SDK1: variants seen among roughly 807,000 people sequenced by gnomAD.
SDK1 encodes protein sidekick-1.
A neutral mutation model predicts 245.5 loss-of-function variants in SDK1; 157 were observed. The observed-to-expected ratio is 0.64, with a 90% CI of 0.56 to 0.73. The LOEUF (loss-of-function observed/expected upper bound fraction) is 0.73, where lower values mean the gene tolerates loss of function less well. SDK1 is among the 30% of genes least tolerant of loss of function. The probability of loss-of-function intolerance (pLI) is 0.00; values close to 1 mark genes in which losing one functional copy is unlikely to be tolerated. For missense variants in SDK1, 3,583 were observed against 3,002.3 expected (o/e 1.19, Z -4.52); for synonymous variants, 1,647 against 1,278.5 (o/e 1.29, Z -6.15).
At chr7:3,571,681 A>T (rs1167817611) in intron 1 of SDK1, among the ~76,000 whole-genome samples, 9 of 152,044 alleles carry the variant, frequency 5.9e-5, no homozygotes. Flanking sequence ...TTACTATTTG[A>T]TCTAAAACCT....
At chr7:3,671,396 G>C (rs1036576316) in intron 4 of SDK1, among the ~76,000 whole-genome samples, 1 of 152,104 alleles carries the variant, frequency 6.6e-6, no homozygotes, top group Non-Finnish European at 1.5e-5. Flanking sequence ...AGAAGGAAAT[G>C]GAATCAATGT....
In SDK1 at chr7:4,104,106, C is replaced by T. The variant is rs117272112; in HGVS notation, c.3325-6557C>T. Among the ~76,000 whole-genome samples, 1,320 of 152,376 alleles carry T rather than the reference C, an allele frequency of 8.7e-3. 7 individuals carry two copies. Among genetic ancestry groups the T allele is most frequent in the Middle Eastern group, 0.017 (5 of 294 alleles). ...ACGGGGTCTCCCTCTGTGGCCCATGCTGGAGTGCAGTTGCATAATCACCAC... is the reference window on the plus strand; with the variant it reads ...ACGGGGTCTCCCTCTGTGGCCCATGTTGGAGTGCAGTTGCATAATCACCAC... On this transcript the variant is annotated intron_variant, in intron 22 of 44. Transcript: ENST00000404826.
intron 30 of SDK1, among the ~76,000 whole-genome samples, chr7:4,154,220 G>A (rs947626770): frequency 1.3e-5 from 2 of 152,200 alleles, no homozygotes; most frequent in African/African-American, 2.4e-5. Flanking sequence ...GGTCAAGTTT[G>A]TGTATGTGAT....
chr7:3,974,270 C>T (rs1483645946), intron 12 of SDK1, 99 bp from the exon 13 acceptor site: 2 of 946,530 alleles, frequency 2.1e-6, no homozygotes, highest in East Asian at 2.5e-5. Context: ...AAAGTCCATT[C>T]ACAAGATTGT....
chr7:3,445,696 C>A (rs1207220208), intron 1 of SDK1, among the ~76,000 whole-genome samples: 1 of 152,098 alleles, frequency 6.6e-6, no homozygotes, highest in Non-Finnish European at 1.5e-5. Context: ...ACTCTTCTTA[C>A]CCCACACTGT....
At chr7:3,975,913 G>A (rs149624089) in intron 13 of SDK1, among the ~76,000 whole-genome samples, 2,380 of 147,380 alleles carry the variant, frequency 0.016, 83 homozygotes, top group African/African-American at 0.056. Flanking sequence ...CACGTAGAGG[G>A]TCCTCCAGAG....
intron 5 of SDK1, among the ~76,000 whole-genome samples, chr7:3,882,128 G>A (rs778287575): frequency 6.6e-6 from 1 of 152,186 alleles, no homozygotes; most frequent in Admixed American, 6.5e-5. Context: ...AAAATCATCA[G>A]ATCTTGTGAG....
rs71029682 is a variant in SDK1 at position 3,582,683 on chromosome 7, T to TAAAAAAAAAAAAAAAAAAAAAAAAA, written c.299-36395_299-36371dup. Among the ~76,000 whole-genome samples the TAAAAAAAAAAAAAAAAAAAAAAAAA allele has an allele frequency of 7.2e-5, 5 of 69,684 alleles. 1 individual carries two copies. The highest frequency in any genetic ancestry group is 7.2e-4 in the South Asian group (1 of 1,386). 45.7% of individuals were successfully genotyped at this position (69,684 alleles called of 152,430 possible). ...ATGTAGCCCTGAACCTAAACTAAAGTAAAAAAAAAAAAAAAAAAAAAAAAA... is the reference window on the plus strand; with the variant it reads ...ATGTAGCCCTGAACCTAAACTAAAGTAAAAAAAAAAAAAAAAAAAAAAAAAAAAAAAAAAAAAAAAAAAAAAAAAA... On this transcript the variant is annotated intron_variant, in intron 1 of 44. Transcript: ENST00000404826.
chr7:3,477,155 TC>T (rs1415864104), intron 1 of SDK1, among the ~76,000 whole-genome samples: 3 of 151,404 alleles, frequency 2.0e-5, no homozygotes, highest in Non-Finnish European at 4.4e-5. Flanking sequence ...GCTTGAAATA[TC>T]CTAACACTTC....
intron 1 of SDK1, among the ~76,000 whole-genome samples, chr7:3,512,312 G>C (rs189111481): frequency 6.6e-6 from 1 of 152,108 alleles, no homozygotes; most frequent in East Asian, 1.9e-4. Context: ...CTTGTTTTCA[G>C]TGCTGAGTAA....
intron 4 of SDK1, among the ~76,000 whole-genome samples, chr7:3,735,983 C>T (rs1467576756): frequency 6.6e-6 from 1 of 152,126 alleles, no homozygotes; most frequent in African/African-American, 2.4e-5. Context: ...TTTTGTAAAC[C>T]TTCTTTGGAG....
intron 1 of SDK1, among the ~76,000 whole-genome samples, chr7:3,477,508 T>C (rs2128600756): frequency 6.6e-6 from 1 of 150,936 alleles, no homozygotes; most frequent in South Asian, 2.1e-4. Flanking sequence ...TTTGTTTCTT[T>C]CTTTTTTCTT....
intron 1 of SDK1, among the ~76,000 whole-genome samples, chr7:3,591,591 C>G (rs891418042): frequency 6.6e-6 from 1 of 152,312 alleles, no homozygotes; most frequent in South Asian, 2.1e-4. Flanking sequence ...AAAGAACATG[C>G]GACCAGTGCC....
chr7:3,936,856 G>A (rs1030170241), intron 5 of SDK1, among the ~76,000 whole-genome samples: 1 of 152,186 alleles, frequency 6.6e-6, no homozygotes, highest in African/African-American at 2.4e-5. Flanking sequence ...CAGCAGTAGG[G>A]GTGGGGACGA....
At chr7:3,770,203 G>T (rs58045303) in intron 4 of SDK1, among the ~76,000 whole-genome samples, 1,602 of 152,116 alleles carry the variant, frequency 0.011, 26 homozygotes, top group African/African-American at 0.037. Flanking sequence ...TTCTCTAAAT[G>T]GAGTCATACA....
intron 4 of SDK1, among the ~76,000 whole-genome samples, chr7:3,700,107 A>G (rs1413508344): frequency 2.0e-5 from 3 of 152,218 alleles, no homozygotes; most frequent in Admixed American, 6.5e-5. Context: ...TGGTGAAACT[A>G]TCCTTCAGGA....
intron 1 of SDK1, among the ~76,000 whole-genome samples, chr7:3,437,496 G>A (rs145056175): frequency 3.7e-4 from 56 of 152,290 alleles, no homozygotes; most frequent in African/African-American, 1.3e-3. Flanking sequence ...GATCGGCTGG[G>A]TGCAGTGGCT....
chr7:3,322,712 C>A (rs539321469), intron 1 of SDK1, among the ~76,000 whole-genome samples: 2 of 152,168 alleles, frequency 1.3e-5, no homozygotes, highest in African/African-American at 2.4e-5. Context: ...GCAGTGTAAT[C>A]TCTTCCTGGT....
At chr7:3,675,254 C>T (rs1783854973) in intron 4 of SDK1, among the ~76,000 whole-genome samples, 1 of 152,192 alleles carries the variant, frequency 6.6e-6, no homozygotes, top group African/African-American at 2.4e-5. Context: ...TGTTAGCTTT[C>T]CTTTCAAAAG....
Sources: allele counts gnomAD v4.1 joint callset (sites outside exome capture counted in the v4.1 genomes callset), GRCh38; gene constraint gnomAD v4.1.1; transcripts MANE v1.5; gene names NCBI Gene and HGNC (gene_info 2026-07-23, HGNC 2026-07-21).